Variants in NT5C2 observed in about 807,000 individuals in gnomAD.
NT5C2 encodes the protein 5'-nucleotidase, cytosolic II.
NT5C2 carries 58 observed loss-of-function variants against 76.1 expected under a neutral mutation model. The observed-to-expected ratio is 0.76, with a 90% CI of 0.62 to 0.95. The LOEUF (loss-of-function observed/expected upper bound fraction) is 0.95, where lower values mean the gene tolerates loss of function less well. Among genes scored for constraint, NT5C2 ranks in the 40% least tolerant of loss-of-function variants. NT5C2 has a pLI of 0.00. For missense variants in NT5C2, 478 were observed against 690.3 expected (o/e 0.69, Z 3.45); for synonymous variants, 229 against 237.4 (o/e 0.96, Z 0.32).
Position 103,094,310 on chromosome 10 carries a change from A to G in NT5C2, c.921+38T>C, listed in dbSNP as rs756534588. 3.1e-6 allele frequency: 4 copies of G among 1,306,008 alleles called. No homozygotes were observed. The East Asian group carries it at 9.2e-5, about 30-fold the overall frequency. The allele number at this position is 1,306,008 out of a possible 1,614,324, so 80.9% of individuals were successfully genotyped here. A position where few individuals can be genotyped will look rare whatever the true frequency, so the allele number is the denominator to read the frequency against. The stretch of plus-strand genomic sequence containing the variant: ...AGTGGGGGAAGGAGAAACATTAAGG[A>G]CAATGTGCTAGCAAGACAGATCATT... On this transcript the variant is annotated intron_variant, in intron 13 of 18. Transcript: ENST00000404739.
intron 4 of NT5C2, among the ~76,000 whole-genome samples, chr10:103,119,187 T>C (rs895698695): frequency 6.6e-6 from 1 of 152,070 alleles, no homozygotes; most frequent in Non-Finnish European, 1.5e-5. Flanking sequence ...CTGACCAACA[T>C]GGAGAAACCC....
intron 6 of NT5C2, among the ~76,000 whole-genome samples, chr10:103,102,908 A>C (rs540990707): frequency 1.3e-5 from 2 of 152,100 alleles, no homozygotes; most frequent in South Asian, 4.2e-4. Context: ...TACTAGATGG[A>C]ATCATGAAAA....
At chr10:103,095,679 C>T (rs2068001492) in intron 12 of NT5C2, among the ~76,000 whole-genome samples, 1 of 152,186 alleles carries the variant, frequency 6.6e-6, no homozygotes, top group Non-Finnish European at 1.5e-5. Flanking sequence ...ATTCTGATCC[C>T]ATCCTACTAA....
At chr10:103,129,524 T>G (rs1298940018) in intron 4 of NT5C2, among the ~76,000 whole-genome samples, 5 of 78,858 alleles carry the variant, frequency 6.3e-5, no homozygotes, top group Non-Finnish European at 7.9e-5. Context: ...GGGAGGGAGG[T>G]GGGGGGGTCA....
chr10:103,091,524 C>T, intron 16 of NT5C2, 40 bp downstream of exon 16: 1 of 1,468,540 alleles, frequency 6.8e-7, no homozygotes, highest in African/African-American at 1.4e-5. Context: ...TAAGTGATTC[C>T]TGAGTAAGTT....
chr10:103,097,926 G>T, intron 10 of NT5C2: 2 of 462,696 alleles, frequency 4.3e-6, no homozygotes. Context: ...TTTCCTTCTC[G>T]CATAGCAAAT....
rs376084184 is a variant in NT5C2 at position 103,089,738 on chromosome 10, G to C, written c.1620C>G (p.Ala540=). ...CATGGCAGTGTGTAATTTCCTGGGG[G>C]GCCAGTGGGAAGAGGTTGGGAGGTT... ...EIKPPNLFPL[A]PQEITHCHDE... The change falls in exon 19 of 19, where the codon GCC becomes GCG. Residue 540 remains alanine, a synonymous_variant. Coordinates refer to ENST00000404739, the MANE Select transcript of NT5C2 (RefSeq NM_001351169.2). 6.2e-7 allele frequency: 1 copy of C among 1,613,654 alleles called. No individual in the cohort carries two copies. The highest frequency in any genetic ancestry group is 2.2e-5 in the East Asian group (1 of 44,872).
At chr10:103,133,273 C>CTTT (rs149128194) in intron 4 of NT5C2, among the ~76,000 whole-genome samples, 12 of 148,888 alleles carry the variant, frequency 8.1e-5, no homozygotes, top group Admixed American at 3.3e-4. Flanking sequence ...GTCCATTAAA[C>CTTT]TTTTTTTTTT....
intron 2 of NT5C2, among the ~76,000 whole-genome samples, chr10:103,177,359 T>G (rs2090184065): frequency 6.6e-6 from 1 of 152,230 alleles, no homozygotes. Flanking sequence ...GAAGTTTTCA[T>G]CAGTAAGTAG....
rs201261415 is a variant in NT5C2, at chr10:103,100,023, C to T, written c.540-4G>A. On this transcript the variant is annotated splice_region_variant and splice_polypyrimidine_tract_variant and intron_variant, in intron 8 of 18. Transcript: ENST00000404739. ...ATCTTTAAATCCTGTTTCACAACTA[C>T]AGAAAGATAAAAATAACATGACAGG... 259 of 1,586,298 alleles carry T rather than the reference C, an allele frequency of 1.6e-4. No homozygotes were observed. Among genetic ancestry groups the T allele is most frequent in the Middle Eastern group, 3.3e-4 (2 of 6,030 alleles).
chr10:103,148,931 A>C (rs921822343), intron 3 of NT5C2, among the ~76,000 whole-genome samples: 1 of 152,188 alleles, frequency 6.6e-6, no homozygotes, highest in African/African-American at 2.4e-5. Context: ...TAGGATAGCA[A>C]AAGGGATATA....
At chr10:103,176,331 C>T (rs537734693) in intron 2 of NT5C2, among the ~76,000 whole-genome samples, 2 of 152,140 alleles carry the variant, frequency 1.3e-5, no homozygotes, top group Admixed American at 6.6e-5. Context: ...GTAAAATGCT[C>T]CTCGCCTTGG....
At position 103,094,024 on chromosome 10, in the gene NT5C2, C is replaced by T. The variant is rs2067550485; in HGVS notation, c.936G>A (p.Leu312=). 1.2e-6 allele frequency: 2 copies of T among 1,613,704 alleles called. No individual in the cohort carries two copies. Among genetic ancestry groups the T allele is most frequent in the East Asian group, 2.2e-5 (1 of 44,874 alleles). The change falls in exon 14 of 19, where the codon CTG becomes CTA. Residue 312 remains leucine (L), a synonymous_variant. Transcript: ENST00000404739. ...LRQVDTKTGK[L]KIGTYTGPLQ... ...GGGGCCCTGTGTAGGTACCAATTTT[C>T]AGCTTGCCAGTTTTCTGTATGAAGA...
chr10:103,143,621 T>G (rs1170238615), intron 3 of NT5C2, among the ~76,000 whole-genome samples: 9 of 140,902 alleles, frequency 6.4e-5, no homozygotes, highest in East Asian at 6.0e-4. Context: ...TTTTTTTTTT[T>G]TTTTTTTTTT....
chr10:103,133,431 T>C (rs992722083), intron 4 of NT5C2, among the ~76,000 whole-genome samples: 1 of 152,058 alleles, frequency 6.6e-6, no homozygotes. Context: ...CCAGCTAATT[T>C]TGTATTTTTA....
rs931111039 is a variant in NT5C2 at position 103,089,389 on chromosome 10, T to C, written c.*283A>G. ...ACTGACATACGGATGATTTTAAAAG[T>C]GTCACAAGCCACAGTGGAGCCATAT... On this transcript the variant is annotated 3_prime_UTR_variant, in exon 19 of 19. Coordinates refer to ENST00000404739, the MANE Select transcript of NT5C2 (RefSeq NM_001351169.2). The C allele has an allele frequency of 3.2e-6, 1 of 312,606 alleles. No individual in the cohort carries two copies. Among genetic ancestry groups the C allele is most frequent in the Non-Finnish European group, 5.8e-6 (1 of 171,244 alleles). 19.4% of individuals were successfully genotyped at this position (312,606 alleles called of 1,614,324 possible). A position where few individuals can be genotyped will look rare whatever the true frequency, so the allele number is the denominator to read the frequency against.
At chr10:103,094,650 G>A (rs1470232026) in intron 12 of NT5C2, 195 bp from the exon 13 acceptor site, 9 of 500,090 alleles carry the variant, frequency 1.8e-5, no homozygotes, top group Admixed American at 3.4e-5. Flanking sequence ...TTGGGAGGCC[G>A]AGGCGGGCAG....
At chr10:103,189,615 A>C (rs1398659942) in intron 1 of NT5C2, among the ~76,000 whole-genome samples, 1 of 151,282 alleles carries the variant, frequency 6.6e-6, no homozygotes, top group Non-Finnish European at 1.5e-5. Context: ...AAAAAAAAAA[A>C]CGAAAAAAAA....
At chr10:103,127,826 G>T (rs917170862) in intron 4 of NT5C2, among the ~76,000 whole-genome samples, 1 of 151,942 alleles carries the variant, frequency 6.6e-6, no homozygotes, top group African/African-American at 2.4e-5. Flanking sequence ...AAGGTGCTGG[G>T]ATTACAGGCG....
Sources: gnomAD v4.1 joint callset for allele counts (sites outside exome capture counted in the v4.1 genomes callset) on GRCh38, gnomAD v4.1.1 for gene constraint, MANE v1.5 for transcripts, NCBI Gene and HGNC (gene_info 2026-07-23, HGNC 2026-07-21) for gene names.